The following SLC1A3 variants were observed in gnomAD, a reference collection of about 807,000 sequenced individuals.
The protein encoded by SLC1A3 is solute carrier family 1 member 3.
A neutral mutation model predicts 48.1 loss-of-function variants in SLC1A3; 21 were observed. The ratio of observed to expected loss-of-function variants is 0.44; its 90% CI spans 0.31 to 0.63. SLC1A3 has a LOEUF of 0.63. Ranked by LOEUF, SLC1A3 falls within the 20% of genes least tolerant of loss-of-function variation. SLC1A3 has a pLI of 0.08. For missense variants in SLC1A3, 546 were observed against 689.0 expected (o/e 0.79, Z 2.32); for synonymous variants, 239 against 251.4 (o/e 0.95, Z 0.47).
chr5:36,647,001 G>A (rs947532203), intron 3 of SLC1A3, among the ~76,000 whole-genome samples: 2 of 152,130 alleles, frequency 1.3e-5, no homozygotes, highest in African/African-American at 4.8e-5. Flanking sequence ...GGGGTATAAA[G>A]GTCAGGGATA....
At chr5:36,635,717 A>G (rs1740315449) in intron 3 of SLC1A3, among the ~76,000 whole-genome samples, 1 of 152,196 alleles carries the variant, frequency 6.6e-6, no homozygotes, top group Non-Finnish European at 1.5e-5. Flanking sequence ...CGGGGCAGCA[A>G]ATTCCACACA....
intron 2 of SLC1A3, among the ~76,000 whole-genome samples, chr5:36,626,696 TTA>T (rs1397465878): frequency 2.6e-5 from 4 of 152,252 alleles, no homozygotes; most frequent in Admixed American, 2.6e-4. Flanking sequence ...GTTTGTTTAT[TTA>T]TATGTGATAA....
At chr5:36,610,643 A>G (rs1417698588) in intron 2 of SLC1A3, among the ~76,000 whole-genome samples, 1 of 152,130 alleles carries the variant, frequency 6.6e-6, no homozygotes, top group East Asian at 1.9e-4. Context: ...AACATCTCTA[A>G]TAAAAAGAAG....
chr5:36,640,841 G>C (rs1007615686), intron 3 of SLC1A3, among the ~76,000 whole-genome samples: 1 of 151,122 alleles, frequency 6.6e-6, no homozygotes, highest in Non-Finnish European at 1.5e-5. Flanking sequence ...CATCTACACT[G>C]CCACCCCCAC....
intron 6 of SLC1A3, 140 bp from the exon 7 acceptor site, chr5:36,679,487 T>C: frequency 2.8e-6 from 2 of 715,600 alleles, no homozygotes; most frequent in South Asian, 3.0e-5. Flanking sequence ...AGTCCACAGT[T>C]TCTGTAAGTC....
intron 2 of SLC1A3, among the ~76,000 whole-genome samples, chr5:36,618,319 T>C (rs533768701): frequency 6.6e-6 from 1 of 152,346 alleles, no homozygotes; most frequent in East Asian, 1.9e-4. Flanking sequence ...TCCCTCCCTC[T>C]AAGCCTTCAC....
intron 2 of SLC1A3, chr5:36,612,733 T>G: frequency 2.2e-6 from 1 of 449,920 alleles, no homozygotes; most frequent in Non-Finnish European, 4.5e-6. Context: ...ATTTTATTAC[T>G]CTCATTGTAC....
chr5:36,629,080 CT>C lies in SLC1A3; in HGVS notation c.182-362del, dbSNP rs909646296. 1.9e-4 allele frequency among the ~76,000 whole-genome samples: 29 copies of C among 152,038 alleles called. 1 individual carries two copies. The highest frequency in any genetic ancestry group is 4.8e-4 in the African/African-American group (20 of 41,478). On this transcript the variant is annotated intron_variant, in intron 2 of 9. Transcript: ENST00000265113. Reference sequence around the variant, plus strand: ...TAAAGGAACTTAATTAAAATAAAGCCTTTTTTTTCTATATCACCTGTTCGTG... The same window carrying C: ...TAAAGGAACTTAATTAAAATAAAGCCTTTTTTTCTATATCACCTGTTCGTG...
chr5:36,653,561 C>T (rs967308449), intron 3 of SLC1A3, among the ~76,000 whole-genome samples: 2 of 152,200 alleles, frequency 1.3e-5, no homozygotes, highest in Non-Finnish European at 2.9e-5. Flanking sequence ...TTGTTCCTGA[C>T]AGCAGTCAAG....
intron 3 of SLC1A3, chr5:36,670,058 C>A (rs1180938919): frequency 6.6e-6 from 1 of 151,678 alleles, no homozygotes; most frequent in South Asian, 2.1e-4. Context: ...GAAGATACAG[C>A]TAATAAAACA....
chr5:36,624,043 G>A (rs183616248), intron 2 of SLC1A3, among the ~76,000 whole-genome samples: 11 of 152,258 alleles, frequency 7.2e-5, no homozygotes, highest in African/African-American at 2.6e-4. Context: ...AAGATAAGCA[G>A]CCTTCGTATT....
chr5:36,657,060 T>G (rs1271727491), intron 3 of SLC1A3, among the ~76,000 whole-genome samples: 3 of 152,232 alleles, frequency 2.0e-5, no homozygotes, highest in Non-Finnish European at 4.4e-5. Context: ...AACTTCTGTT[T>G]GTATTGATCC....
At chr5:36,604,776 G>A (rs1489136430), upstream of SLC1A3, among the ~76,000 whole-genome samples, 4 of 151,754 alleles carry the variant, frequency 2.6e-5, no homozygotes, top group Non-Finnish European at 5.9e-5. Flanking sequence ...CCTTTTTCTT[G>A]CCTATTAACA....
chr5:36,616,297 A>T (rs1273912752), intron 2 of SLC1A3, among the ~76,000 whole-genome samples: 6 of 152,212 alleles, frequency 3.9e-5, no homozygotes, highest in Admixed American at 2.6e-4. Context: ...CTATCAAGAG[A>T]TATGCTCAAG....
chr5:36,635,187 A>C (rs1009110015), intron 3 of SLC1A3, among the ~76,000 whole-genome samples: 3 of 151,792 alleles, frequency 2.0e-5, no homozygotes, highest in Non-Finnish European at 4.4e-5. Context: ...AAAAAAAAAA[A>C]CAGTATCTAA....
chr5:36,663,380 ATTTTTTTT>A (rs1156283585), intron 3 of SLC1A3, among the ~76,000 whole-genome samples: 21 of 69,326 alleles, frequency 3.0e-4, no homozygotes, highest in South Asian at 6.4e-4. Context: ...CACGCCCGGC[ATTTTTTTT>A]TTTTTTTTTT....
At chr5:36,620,622 T>C (rs1016432933) in intron 2 of SLC1A3, among the ~76,000 whole-genome samples, 3 of 152,172 alleles carry the variant, frequency 2.0e-5, no homozygotes, top group Non-Finnish European at 4.4e-5. Context: ...AAATAAGACA[T>C]GTTTGTTCAT....
intron 3 of SLC1A3, among the ~76,000 whole-genome samples, chr5:36,660,939 C>G (rs1354508377): frequency 6.6e-6 from 1 of 152,120 alleles, no homozygotes; most frequent in African/African-American, 2.4e-5. Context: ...TCTCTTTTCT[C>G]TTTCTCCTCT....
chr5:36,641,667 G>A (rs10070340), intron 3 of SLC1A3, among the ~76,000 whole-genome samples: 42,019 of 152,006 alleles, frequency 0.28, 5,922 homozygotes, highest in East Asian at 0.37. Flanking sequence ...TTGGTACTCT[G>A]TGCTTCATGA....
Sources: allele counts gnomAD v4.1 joint callset (sites outside exome capture counted in the v4.1 genomes callset), GRCh38; gene constraint gnomAD v4.1.1; transcripts MANE v1.5; gene names NCBI Gene and HGNC (gene_info 2026-07-23, HGNC 2026-07-21).